ASB17: variants seen among roughly 807,000 people sequenced by gnomAD.
ASB17 encodes ankyrin repeat and SOCS box protein 17.
In ASB17, 26 loss-of-function variants were observed where a neutral mutation model predicts 25.7. The observed-to-expected ratio is 1.01, with a 90% CI of 0.74 to 1.40. The LOEUF is 1.40. Among genes scored for constraint, ASB17 ranks in the 40% most tolerant of loss-of-function variants. The pLI is 0.00. For synonymous variants in ASB17, 128 were observed against 121.4 expected (o/e 1.05, Z -0.36); for missense variants, 326 against 338.5 (o/e 0.96, Z 0.29).
intron 1 of ASB17, among the ~76,000 whole-genome samples, chr1:75,929,097 C>G (rs192233916): frequency 1.5e-3 from 228 of 152,094 alleles, no homozygotes; most frequent in African/African-American, 5.2e-3. Context: ...TGAAGATGTT[C>G]AAGAAACAGA....
chr1:75,930,368 A>G (rs990508329), intron 1 of ASB17, among the ~76,000 whole-genome samples: 50 of 147,570 alleles, frequency 3.4e-4, no homozygotes, highest in Admixed American at 3.2e-3. Flanking sequence ...ATAAATATAT[A>G]TATATATATA....
intron 1 of ASB17, among the ~76,000 whole-genome samples, chr1:75,923,532 G>A (rs941786200): frequency 2.2e-4 from 34 of 152,088 alleles, no homozygotes; most frequent in African/African-American, 8.0e-4. Context: ...AAGTAATATG[G>A]TTTTTAGGCT....
intron 2 of ASB17, among the ~76,000 whole-genome samples, 154 bp downstream of exon 2, chr1:75,921,926 A>AT (rs1321654037): frequency 2.0e-5 from 3 of 152,096 alleles, no homozygotes; most frequent in Non-Finnish European, 4.4e-5. Flanking sequence ...ACTGTTTGAG[A>AT]TTTTCCCTAT....
In ASB17 at chr1:75,922,374, AAAC is replaced by A; in HGVS notation, c.402-18_402-16del. On this transcript the variant is annotated splice_polypyrimidine_tract_variant and intron_variant, in intron 1 of 2. Coordinates refer to ENST00000284142, the MANE Select transcript of ASB17 (RefSeq NM_080868.3). ...GTGTGAAAGTTCTGTGAATTAAACAAAACAAAAACTCATTGGATATAGAATTAA... is the reference window on the plus strand; with the variant it reads ...GTGTGAAAGTTCTGTGAATTAAACAAAAAAACTCATTGGATATAGAATTAA... The A allele has an allele frequency of 6.5e-7, 1 of 1,534,454 alleles. No individual in the cohort carries two copies. The highest frequency in any genetic ancestry group is 8.8e-7 in the Non-Finnish European group (1 of 1,142,154).
At chr1:75,929,719 G>A (rs1261451147) in intron 1 of ASB17, among the ~76,000 whole-genome samples, 1 of 152,118 alleles carries the variant, frequency 6.6e-6, no homozygotes, top group Admixed American at 6.5e-5. Flanking sequence ...CTCTTTAAGA[G>A]TCTATTGCAG....
intron 1 of ASB17, among the ~76,000 whole-genome samples, chr1:75,923,745 T>C (rs1376193589): frequency 6.6e-6 from 1 of 152,210 alleles, no homozygotes; most frequent in Non-Finnish European, 1.5e-5. Context: ...GTATAAACAA[T>C]AGAGACAAGT....
chr1:75,931,335 T>C (rs1653316453), intron 1 of ASB17, among the ~76,000 whole-genome samples: 1 of 152,184 alleles, frequency 6.6e-6, no homozygotes, highest in African/African-American at 2.4e-5. Context: ...CTCAGTAGTA[T>C]GCATTAGGTA....
chr1:75,920,941 A>AATTTTTGT, intron 2 of ASB17, among the ~76,000 whole-genome samples: 1 of 151,948 alleles, frequency 6.6e-6, no homozygotes, highest in African/African-American at 2.4e-5. Context: ...TGCCCAGCTA[A>AATTTTTGT]ATTTTTGTAT....
chr1:75,921,468 A>G (rs1317825162), intron 2 of ASB17, among the ~76,000 whole-genome samples: 1 of 152,174 alleles, frequency 6.6e-6, no homozygotes, highest in Non-Finnish European at 1.5e-5. Context: ...ACTAATGGGC[A>G]TGATTCAATT....
At chr1:75,924,703 C>A (rs1653122040) in intron 1 of ASB17, among the ~76,000 whole-genome samples, 1 of 152,052 alleles carries the variant, frequency 6.6e-6, no homozygotes, top group African/African-American at 2.4e-5. Flanking sequence ...AACTTCTAAA[C>A]TACATTTCTT....
In ASB17 at chr1:75,922,333, C is replaced by T. The variant is rs1653050717; in HGVS notation, c.428G>A (p.Ser143Asn). Residue 143 changes from serine (S) to asparagine (N), a missense_variant, in exon 2 of 3, where the codon AGC becomes AAC. By Grantham distance (46) the Ser-to-Asn change is conservative. Transcript: ENST00000284142. ...WRTFTPVYCPSPLSGITPLFY... is the reference protein window; with the variant it reads ...WRTFTPVYCPNPLSGITPLFY... ...GAGAGGTGTGATGCCACTTAATGGG[C>T]TTGGACAGTATACTGGTGTGAAAGT... The T allele has an allele frequency of 6.2e-7, 1 of 1,612,250 alleles. No homozygotes were observed. Among genetic ancestry groups the T allele is most frequent in the East Asian group, 2.2e-5 (1 of 44,818 alleles).
intron 1 of ASB17, among the ~76,000 whole-genome samples, chr1:75,928,935 C>T (rs1283498281): frequency 6.6e-6 from 1 of 152,160 alleles, no homozygotes; most frequent in Non-Finnish European, 1.5e-5. Flanking sequence ...ACTGTAATGA[C>T]TGAGTGGCTT....
In ASB17 at chr1:75,931,998, C is replaced by T. The variant is rs750164857; in HGVS notation, c.294G>A (p.Leu98=). 5.6e-6 allele frequency: 9 copies of T among 1,613,970 alleles called. No individual in the cohort carries two copies. The highest frequency in any genetic ancestry group is 6.8e-6 in the Non-Finnish European group (8 of 1,179,990). The change falls in exon 1 of 3, where the codon CTG becomes CTA. Residue 98 remains leucine, a synonymous_variant. Coordinates refer to ENST00000284142, the MANE Select transcript of ASB17 (RefSeq NM_080868.3). ...DFTEICVNTI[L]YWVFARKGNP... ...TACCTTTTCTGGCAAAAACCCAGTA[C>T]AGAATTGTATTCACACATATTTCAG...
chr1:75,930,263 T>C (rs1653288280), intron 1 of ASB17, among the ~76,000 whole-genome samples: 1 of 147,544 alleles, frequency 6.8e-6, no homozygotes, highest in South Asian at 2.1e-4. Flanking sequence ...TAACTAGTTA[T>C]ATTTATATTT....
chr1:75,931,135 G>A (rs149932807), intron 1 of ASB17, among the ~76,000 whole-genome samples: 1 of 152,288 alleles, frequency 6.6e-6, no homozygotes, highest in East Asian at 1.9e-4. Context: ...ATTGCACCTA[G>A]TACAGACTTG....
chr1:75,924,110 T>G (rs1338682792), intron 1 of ASB17, among the ~76,000 whole-genome samples: 4 of 152,100 alleles, frequency 2.6e-5, no homozygotes, highest in African/African-American at 9.7e-5. Context: ...AACTACGATT[T>G]GAAAGATTAG....
chr1:75,921,313 A>G (rs1262768183), intron 2 of ASB17, among the ~76,000 whole-genome samples: 1 of 152,232 alleles, frequency 6.6e-6, no homozygotes, highest in Non-Finnish European at 1.5e-5. Context: ...TGAAGAAAAA[A>G]AAACAGTGGA....
chr1:75,922,361 T>C lies in ASB17; in HGVS notation c.402-2A>G, dbSNP rs1653051548. 6.4e-7 allele frequency: 1 copy of C among 1,564,802 alleles called. No individual in the cohort carries two copies. The highest frequency in any genetic ancestry group is 8.6e-7 in the Non-Finnish European group (1 of 1,156,404). On this transcript the variant is annotated splice_acceptor_variant, in intron 1 of 2. Transcript: ENST00000284142. LOFTEE classifies it high-confidence loss of function. ...GGACAGTATACTGGTGTGAAAGTTC[T>C]GTGAATTAAACAAAACAAAAACTCA...
At chr1:75,925,260 A>G (rs2100611923) in intron 1 of ASB17, among the ~76,000 whole-genome samples, 1 of 152,186 alleles carries the variant, frequency 6.6e-6, no homozygotes. Context: ...AAACTTTTCA[A>G]AGGCAGTTTA....
Sources: allele counts gnomAD v4.1 joint callset (sites outside exome capture counted in the v4.1 genomes callset), GRCh38; gene constraint gnomAD v4.1.1; transcripts MANE v1.5; gene names NCBI Gene and HGNC (gene_info 2026-07-23, HGNC 2026-07-21).